Variants in PLA2G4B observed in about 807,000 individuals in gnomAD.
The protein encoded by PLA2G4B is cytosolic phospholipase A2 beta.
PLA2G4B carries 122 observed loss-of-function variants against 95.8 expected under a neutral mutation model. That is an observed-to-expected ratio of 1.27 (90% CI 1.10 to 1.48). PLA2G4B has a LOEUF of 1.48. Among genes scored for constraint, PLA2G4B ranks in the 40% most tolerant of loss-of-function variants. PLA2G4B has a pLI of 0.00. For synonymous variants in PLA2G4B, 518 were observed against 421.5 expected (o/e 1.23, Z -2.80); for missense variants, 1,158 against 996.2 (o/e 1.16, Z -2.19).
intron 15 of PLA2G4B, 49 bp from the exon 16 acceptor site, chr15:41,845,894 G>A (rs954610043): frequency 6.6e-7 from 1 of 1,516,912 alleles, no homozygotes; most frequent in Non-Finnish European, 8.8e-7. Context: ...GGAAGGGTAG[G>A]ATTGGGACAA....
intron 1 of PLA2G4B, chr15:41,839,295 C>T: frequency 5.5e-6 from 1 of 182,782 alleles, no homozygotes; most frequent in South Asian, 1.3e-4. Context: ...ATGAGGCCCT[C>T]CAGCACTGCC....
At chr15:41,842,522 C>A in intron 9 of PLA2G4B, 32 bp from the exon 10 acceptor site, 1 of 1,611,588 alleles carries the variant, frequency 6.2e-7, no homozygotes. Flanking sequence ...AGGTGGCCGA[C>A]CTTTTGTGAC....
rs370293200 is a variant in PLA2G4B at position 41,847,872 on chromosome 15, C to T, written c.*12C>T. On this transcript the variant is annotated 3_prime_UTR_variant, in exon 20 of 20. Transcript: ENST00000458483. Reference sequence around the variant, plus strand: ...GCAGGCCCCACTGATGGCCGGGGCCCCTGCCACCCCTAACTCTCATTCATT... The same window carrying T: ...GCAGGCCCCACTGATGGCCGGGGCCTCTGCCACCCCTAACTCTCATTCATT... 6.2e-7 allele frequency: 1 copy of T among 1,603,332 alleles called. No individual in the cohort carries two copies. Among genetic ancestry groups the T allele is most frequent in the Non-Finnish European group, 8.5e-7 (1 of 1,178,576 alleles).
At chr15:41,845,495 C>T (rs2065521857) in intron 14 of PLA2G4B, 143 bp from the exon 15 acceptor site, 1 of 1,475,302 alleles carries the variant, frequency 6.8e-7, no homozygotes, top group African/African-American at 1.4e-5. Flanking sequence ...AGGCAGGGGC[C>T]TTAGGTCCTA....
chr15:41,842,826 C>G (rs1882704445), intron 10 of PLA2G4B: 1 of 530,122 alleles, frequency 1.9e-6, no homozygotes, highest in Non-Finnish European at 3.1e-6. Flanking sequence ...ACCCGGGGAG[C>G]ACTTGATAAA....
rs758445468 is a variant in PLA2G4B at position 41,846,014 on chromosome 15, T to A, written c.1567T>A (p.Trp523Arg). The change falls in exon 16 of 20, where the codon TGG becomes AGG. Residue 523 changes from tryptophan (W) to arginine (R), a missense_variant. By Grantham distance (101) the Trp-to-Arg change is moderately radical. Transcript: ENST00000458483. ...LYWASEPSQF[W>R]DRWVRNQANL... Reference sequence around the variant, plus strand: ...CTGGGCCTCAGAGCCCAGCCAGTTCTGGGACCGCTGGGTCAGGAACCAGGC... The same window carrying A: ...CTGGGCCTCAGAGCCCAGCCAGTTCAGGGACCGCTGGGTCAGGAACCAGGC... 12 of 1,535,934 alleles carry A rather than the reference T, an allele frequency of 7.8e-6. No individual in the cohort carries two copies. Among genetic ancestry groups the A allele is most frequent in the African/African-American group, 1.4e-5 (1 of 72,318 alleles).
chr15:41,840,274 A>C, intron 2 of PLA2G4B, 44 bp downstream of exon 2: 1 of 1,589,386 alleles, frequency 6.3e-7, no homozygotes, highest in Non-Finnish European at 8.6e-7. Context: ...CTGAGGGAGG[A>C]GGAGGGTGCT....
chr15:41,839,111 G>A (rs1394795713), intron 1 of PLA2G4B, 189 bp downstream of exon 1: 3 of 488,720 alleles, frequency 6.1e-6, no homozygotes, highest in Non-Finnish European at 1.1e-5. Flanking sequence ...TCCGTCCTGA[G>A]TGTTTTCTGT....
chr15:41,840,141 C>G lies in PLA2G4B; in HGVS notation c.10-17C>G, dbSNP rs750627912. On this transcript the variant is annotated splice_polypyrimidine_tract_variant and intron_variant, in intron 1 of 19. Coordinates refer to ENST00000458483, the MANE Select transcript of PLA2G4B (RefSeq NM_001114633.2). ...TTCATCGGCCCGTAGCAGGTCTCCC[C>G]TCTCCCACCTCTGCAGGCAGAGGTG... 4 of 1,612,280 alleles carry G rather than the reference C, an allele frequency of 2.5e-6. No individual in the cohort carries two copies. Among genetic ancestry groups the G allele is most frequent in the Middle Eastern group, 1.7e-4 (1 of 6,060 alleles).
Position 41,841,946 on chromosome 15 carries a change from G to A in PLA2G4B, c.618G>A (p.Leu206=), listed in dbSNP as rs781400336. The change falls in exon 8 of 20, where the codon CTG becomes CTA. Residue 206 remains leucine, a synonymous_variant. Transcript: ENST00000458483. ...ACWEQELSIR[L]QDAPEEQLKA... Reference sequence around the variant, plus strand: ...GGGAGCAGGAGCTGAGTATTCGCCTGCAGGTAGTGTGCCTCGCTCCCTCGA... The same window carrying A: ...GGGAGCAGGAGCTGAGTATTCGCCTACAGGTAGTGTGCCTCGCTCCCTCGA... 2 of 1,611,098 alleles carry A rather than the reference G, an allele frequency of 1.2e-6. No individual in the cohort carries two copies. The highest frequency in any genetic ancestry group is 1.7e-6 in the Non-Finnish European group (2 of 1,179,414).
chr15:41,847,173 G>C (rs754439181), intron 18 of PLA2G4B, among the ~76,000 whole-genome samples, 164 bp from the exon 19 acceptor site: 5 of 126,312 alleles, frequency 4.0e-5, no homozygotes, highest in Admixed American at 2.5e-4. Context: ...CTGCCACCGA[G>C]GCCTGTCAGG....
In PLA2G4B at chr15:41,846,339, C is replaced by T. The variant is rs755484334; in HGVS notation, c.1737C>T (p.Phe579=). 6.2e-7 allele frequency: 1 copy of T among 1,610,674 alleles called. No individual in the cohort carries two copies. The highest frequency in any genetic ancestry group is 8.5e-7 in the Non-Finnish European group (1 of 1,176,964). The change falls in exon 17 of 20, where the codon TTC becomes TTT. Residue 579 remains phenylalanine, a synonymous_variant. Transcript: ENST00000458483. ...ATHNFLRGLH[F]HKDYFQHPHF... ...ATAATTTCCTGCGTGGCCTCCATTTCCACAAAGACTACTTTCAGCATCCTC... is the reference window on the plus strand; with the variant it reads ...ATAATTTCCTGCGTGGCCTCCATTTTCACAAAGACTACTTTCAGCATCCTC...
chr15:41,846,977 G>C (rs965251406), intron 18 of PLA2G4B, 142 bp downstream of exon 18: 37 of 1,214,536 alleles, frequency 3.0e-5, no homozygotes, highest in African/African-American at 4.6e-5. Flanking sequence ...GCCACCAGAG[G>C]AGCTCATTCT....
intron 18 of PLA2G4B, 60 bp downstream of exon 18, chr15:41,846,895 A>G (rs2065565209): frequency 5.3e-6 from 8 of 1,523,582 alleles, no homozygotes; most frequent in Middle Eastern, 4.0e-4. Context: ...CCCTGAAGAG[A>G]GGGGCTTTGG....
chr15:41,847,598 C>CCTGT (rs762343306), intron 19 of PLA2G4B, 51 bp from the exon 20 acceptor site: 1 of 1,612,298 alleles, frequency 6.2e-7, no homozygotes, highest in East Asian at 2.2e-5. Context: ...CCTCTCCAAA[C>CCTGT]CTGTCTTCCC....
At position 41,846,230 on chromosome 15, in the gene PLA2G4B, TAGA is replaced by T. The variant is rs1351463085; in HGVS notation, c.1633_1635del (p.Glu545del). ...AAGGAGCAGGTCCCCCTTCTGAAGA[TAGA>T]AGAACCACCCTCAACAGCCGGCAGG... On this transcript the variant is annotated inframe_deletion, in exon 17 of 20. Transcript: ENST00000458483. 1 of 1,613,798 alleles carries T rather than the reference TAGA, an allele frequency of 6.2e-7. No homozygotes were observed. Among genetic ancestry groups the T allele is most frequent in the Non-Finnish European group, 8.5e-7 (1 of 1,179,958 alleles).
intron 16 of PLA2G4B, 29 bp from the exon 17 acceptor site, chr15:41,846,174 T>G (rs746325147): frequency 1.8e-5 from 29 of 1,601,030 alleles, no homozygotes; most frequent in Non-Finnish European, 2.5e-5. Context: ...GGTGCAGGAG[T>G]CCCCATTTCC....
intron 5 of PLA2G4B, 64 bp downstream of exon 5, chr15:41,841,159 T>G: frequency 6.2e-7 from 1 of 1,613,930 alleles, no homozygotes; most frequent in South Asian, 1.1e-5. Flanking sequence ...CACTAGTGCC[T>G]GGGGGATGCC....
chr15:41,839,141 C>G (rs1472178208), intron 1 of PLA2G4B: 2 of 424,034 alleles, frequency 4.7e-6, no homozygotes, highest in Non-Finnish European at 4.3e-6. Flanking sequence ...GGGCTCCTGG[C>G]AGAGCTCCCT....
Sources: allele counts gnomAD v4.1 joint callset (sites outside exome capture counted in the v4.1 genomes callset), GRCh38; gene constraint gnomAD v4.1.1; transcripts MANE v1.5; gene names NCBI Gene and HGNC (gene_info 2026-07-23, HGNC 2026-07-21).